Variants in SMO observed in about 807,000 individuals in gnomAD.
SMO encodes the protein protein smoothened.
A neutral mutation model predicts 81.6 loss-of-function variants in SMO; 40 were observed. That is an observed-to-expected ratio of 0.49 (90% CI 0.38 to 0.64). The LOEUF (loss-of-function observed/expected upper bound fraction) is 0.64, where lower values mean the gene tolerates loss of function less well. Among genes scored for constraint, SMO ranks in the 30% least tolerant of loss-of-function variants. The pLI, the probability that SMO is intolerant of heterozygous loss-of-function variation, is 0.00. For synonymous variants in SMO, 434 were observed against 432.1 expected (o/e 1.00, Z -0.05); for missense variants, 916 against 1,061.1 (o/e 0.86, Z 1.90).
intron 1 of SMO, among the ~76,000 whole-genome samples, chr7:129,199,669 G>A (rs1218010554): frequency 6.6e-6 from 1 of 152,038 alleles, no homozygotes; most frequent in Non-Finnish European, 1.5e-5. Context: ...CTGGGGAGCT[G>A]AAGGCTGCAG....
chr7:129,194,484 G>A (rs1793538016), intron 1 of SMO, among the ~76,000 whole-genome samples: 1 of 152,144 alleles, frequency 6.6e-6, no homozygotes, highest in Non-Finnish European at 1.5e-5. Flanking sequence ...TGACATCTGG[G>A]TCAATAACTA....
chr7:129,206,640 T>TGCTGCCAGTACTGGGA lies in SMO; in HGVS notation c.1264+62_1264+77dup. ...TGGGCAACAAAATATACTGGGCACT[T>TGCTGCCAGTACTGGGA]GCTGCCAGTACTGGGAGCTGCCAGC... On this transcript the variant is annotated intron_variant, in intron 6 of 11. Transcript: ENST00000249373. The surrounding 1 kb of genome is among the most constrained non-coding windows in gnomAD (Gnocchi z 4.4). 6.3e-7 allele frequency: 1 copy of TGCTGCCAGTACTGGGA among 1,593,150 alleles called. No homozygotes were observed. The highest frequency in any genetic ancestry group is 8.6e-7 in the Non-Finnish European group (1 of 1,166,376).
chr7:129,210,879 G>A lies in SMO; in HGVS notation c.1653-86G>A. ...AGGCCCTTGGGAGCCTCCTTCTCTG[G>A]AAAGAATGGCATCGCTGGCCCTTCC... is the stretch of plus-strand genomic sequence containing the variant. On this transcript the variant is annotated intron_variant, in intron 9 of 11. Coordinates refer to ENST00000249373, the MANE Select transcript of SMO (RefSeq NM_005631.5). The surrounding 1 kb of genome is among the most constrained non-coding windows in gnomAD (Gnocchi z 4.7). 1 of 1,461,744 alleles carries A rather than the reference G, an allele frequency of 6.8e-7. No homozygotes were observed. The highest frequency in any genetic ancestry group is 9.3e-7 in the Non-Finnish European group (1 of 1,081,070). 90.5% of individuals were successfully genotyped at this position (1,461,744 alleles called of 1,614,324 possible). A position where few individuals can be genotyped will look rare whatever the true frequency, so the allele number is the denominator to read the frequency against.
At chr7:129,193,804 A>ATATATATG (rs1793523694) in intron 1 of SMO, among the ~76,000 whole-genome samples, 1 of 111,144 alleles carries the variant, frequency 9.0e-6, no homozygotes, top group African/African-American at 3.5e-5. Flanking sequence ...ATATATATAT[A>ATATATATG]TATATATATA....
chr7:129,189,343 C>T lies in SMO; in HGVS notation c.192C>T (p.Cys64=), dbSNP rs2150638188. The change falls in exon 1 of 12, where the codon TGC becomes TGT. Residue 64 remains cysteine, a synonymous_variant. Coordinates refer to ENST00000249373, the MANE Select transcript of SMO (RefSeq NM_005631.5). This position sits in a 1 kb window ranked among gnomAD's most constrained non-coding sequence, Gnocchi z 4.7. ...GCCCTCCGCCGCCGCTGAGCCACTG[C>T]GGCCGGGCTGCCCCCTGCGAGCCGC... ...VTGPPPPLSH[C]GRAAPCEPLR... 2 of 1,517,736 alleles carry T rather than the reference C, an allele frequency of 1.3e-6. No homozygotes were observed. Among genetic ancestry groups the T allele is most frequent in the Non-Finnish European group, 1.8e-6 (2 of 1,139,432 alleles). The allele number at this position is 1,517,736 out of a possible 1,614,324, so 94.0% of individuals were successfully genotyped here.
intron 4 of SMO, 133 bp downstream of exon 4, chr7:129,205,915 T>C: frequency 1.3e-6 from 1 of 781,156 alleles, no homozygotes; most frequent in South Asian, 1.7e-5. Flanking sequence ...GCATACTGCA[T>C]GCAAGATCTC....
chr7:129,210,842 T>C lies in SMO; in HGVS notation c.1653-123T>C. Reference sequence around the variant, plus strand: ...AGAGAAGGCCTCTACTCCTGAGTCCTTGAAGGACTTGAGGCCCTTGGGAGC... The same window carrying C: ...AGAGAAGGCCTCTACTCCTGAGTCCCTGAAGGACTTGAGGCCCTTGGGAGC... On this transcript the variant is annotated intron_variant, in intron 9 of 11. Coordinates refer to ENST00000249373, the MANE Select transcript of SMO (RefSeq NM_005631.5). This position sits in a 1 kb window ranked among gnomAD's most constrained non-coding sequence, Gnocchi z 4.7. The C allele has an allele frequency of 9.2e-7, 1 of 1,083,548 alleles. No homozygotes were observed. Among genetic ancestry groups the C allele is most frequent in the Non-Finnish European group, 1.3e-6 (1 of 754,160 alleles). 67.1% of individuals were successfully genotyped at this position (1,083,548 alleles called of 1,614,324 possible). A position where few individuals can be genotyped will look rare whatever the true frequency, so the allele number is the denominator to read the frequency against.
chr7:129,210,632 C>A lies in SMO; in HGVS notation c.1652+84C>A. 2 of 1,123,704 alleles carry A rather than the reference C, an allele frequency of 1.8e-6. No homozygotes were observed. Among genetic ancestry groups the A allele is most frequent in the Non-Finnish European group, 2.6e-6 (2 of 760,050 alleles). 69.6% of individuals were successfully genotyped at this position (1,123,704 alleles called of 1,614,324 possible). Reference sequence around the variant, plus strand: ...CATCTTTAGGTTTTGTCGGGTCCTGCCTCTAGCACAGCCTTGGTCAGTGGT... The same window carrying A: ...CATCTTTAGGTTTTGTCGGGTCCTGACTCTAGCACAGCCTTGGTCAGTGGT... On this transcript the variant is annotated intron_variant, in intron 9 of 11. Transcript: ENST00000249373. This position sits in a 1 kb window ranked among gnomAD's most constrained non-coding sequence, Gnocchi z 4.7.
intron 2 of SMO, 103 bp from the exon 3 acceptor site, chr7:129,205,100 T>C: frequency 2.1e-6 from 2 of 961,346 alleles, no homozygotes; most frequent in Non-Finnish European, 3.3e-6. Flanking sequence ...GTCCTGGAAG[T>C]GTATCTCCAG....
chr7:129,204,114 C>T (rs1387081005), intron 2 of SMO, among the ~76,000 whole-genome samples: 1 of 151,874 alleles, frequency 6.6e-6, no homozygotes, highest in Non-Finnish European at 1.5e-5. Context: ...GGGCAGATCA[C>T]CTGAAGTCAG....
chr7:129,206,402 T>A lies in SMO; in HGVS notation c.1140+33T>A. The A allele has an allele frequency of 2.5e-6, 4 of 1,614,022 alleles. No homozygotes were observed. Among genetic ancestry groups the A allele is most frequent in the Non-Finnish European group, 3.4e-6 (4 of 1,179,912 alleles). ...GACTGGTAGGAACGGGAGACCTGGA[T>A]GGGGTGAGTTTGAGGGAGGGGGCCA... On this transcript the variant is annotated intron_variant, in intron 5 of 11. Transcript: ENST00000249373. This position sits in a 1 kb window ranked among gnomAD's most constrained non-coding sequence, Gnocchi z 4.4.
chr7:129,198,069 T>C (rs1027924538), intron 1 of SMO, among the ~76,000 whole-genome samples: 9 of 152,188 alleles, frequency 5.9e-5, no homozygotes, highest in Middle Eastern at 3.2e-3. Flanking sequence ...TCCTAGTAAT[T>C]TGTGTATTTC....
Position 129,212,796 on chromosome 7 carries a change from A to T in SMO, c.*345A>T, listed in dbSNP as rs1793900883. ...GGTGGAGGCAGAGGTGACAGTTCCC[A>T]GAGTGGGCTTTGGTGGCCAGGGAGG... On this transcript the variant is annotated 3_prime_UTR_variant, in exon 12 of 12. Coordinates refer to ENST00000249373, the MANE Select transcript of SMO (RefSeq NM_005631.5). The surrounding 1 kb of genome is among the most constrained non-coding windows in gnomAD (Gnocchi z 5.0). 1 of 358,926 alleles carries T rather than the reference A, an allele frequency of 2.8e-6. No individual in the cohort carries two copies. 22.2% of individuals were successfully genotyped at this position (358,926 alleles called of 1,614,324 possible). A position where few individuals can be genotyped will look rare whatever the true frequency, so the allele number is the denominator to read the frequency against.
Position 129,189,226 on chromosome 7 carries a change from C to A in SMO, c.75C>A (p.Asp25Glu). The change falls in exon 1 of 12, where the codon GAC becomes GAA. Residue 25 changes from aspartate (D) to glutamate (E), a missense_variant. Physicochemically the swap from Asp to Glu is conservative, Grantham distance 45. Around this residue, in one of 4 missense-constraint regions of SMO, gnomAD observed 146 missense variants for 149.9 expected, o/e 0.97. Transcript: ENST00000249373. The surrounding 1 kb of genome is among the most constrained non-coding windows in gnomAD (Gnocchi z 4.7). ...TGCTGCTGCTGCTGCTGCTGGGGGA[C>A]CCGGGCCGGGGGGCGGCCTCGAGCG... ...LGLLLLLLLG[D>E]PGRGAASSGN... is the part of the protein sequence containing the mutation. 1 of 1,171,872 alleles carries A rather than the reference C, an allele frequency of 8.5e-7. No individual in the cohort carries two copies. The highest frequency in any genetic ancestry group is 1.1e-6 in the Non-Finnish European group (1 of 935,156). The allele number at this position is 1,171,872 out of a possible 1,614,324, so 72.6% of individuals were successfully genotyped here.
In SMO at chr7:129,189,076, G is replaced by T; in HGVS notation, c.-76G>T. The T allele has an allele frequency of 1.7e-6, 2 of 1,189,250 alleles. No individual in the cohort carries two copies. The highest frequency in any genetic ancestry group is 2.1e-6 in the Non-Finnish European group (2 of 955,812). 73.7% of individuals were successfully genotyped at this position (1,189,250 alleles called of 1,614,324 possible). A position where few individuals can be genotyped will look rare whatever the true frequency, so the allele number is the denominator to read the frequency against. ...CCTGAGCCGCCTCCGCGGCCGCCGA[G>T]GTCGTGCGTGTGGCCGGGGGGCTCC... is the stretch of plus-strand genomic sequence containing the variant. On this transcript the variant is annotated 5_prime_UTR_variant, in exon 1 of 12. It adds an upstream start codon to the 5' untranslated region. Coordinates refer to ENST00000249373, the MANE Select transcript of SMO (RefSeq NM_005631.5). The surrounding 1 kb of genome is among the most constrained non-coding windows in gnomAD (Gnocchi z 4.7).
Position 129,212,070 on chromosome 7 carries a change from C to T in SMO, c.1983C>T (p.Ile661=), listed in dbSNP as rs1180366526. The part of the protein sequence containing the change: ...QANLWLVEAE[I]SPELQKRLGR... ...ACCTGTGGCTGGTTGAGGCAGAGATCTCCCCAGAGCTGCAGAAGCGCCTGG... is the reference window on the plus strand; with the variant it reads ...ACCTGTGGCTGGTTGAGGCAGAGATTTCCCCAGAGCTGCAGAAGCGCCTGG... Residue 661 remains isoleucine, a synonymous_variant, in exon 12 of 12, where the codon ATC becomes ATT. Coordinates refer to ENST00000249373, the MANE Select transcript of SMO (RefSeq NM_005631.5). This position sits in a 1 kb window ranked among gnomAD's most constrained non-coding sequence, Gnocchi z 5.0. 5 of 1,588,090 alleles carry T rather than the reference C, an allele frequency of 3.1e-6. No homozygotes were observed. The East Asian group carries it at 9.1e-5, about 29-fold the overall frequency.
intron 1 of SMO, among the ~76,000 whole-genome samples, chr7:129,199,673 G>A (rs1027283504): frequency 6.6e-6 from 1 of 152,014 alleles, no homozygotes; most frequent in Non-Finnish European, 1.5e-5. Context: ...GGAGCTGAAG[G>A]CTGCAGTGAG....
chr7:129,193,037 A>G (rs1399949037), intron 1 of SMO, among the ~76,000 whole-genome samples: 1 of 152,166 alleles, frequency 6.6e-6, no homozygotes, highest in Non-Finnish European at 1.5e-5. Context: ...AGGCTTCTTC[A>G]GTCACTTAGC....
In SMO at chr7:129,210,661, C is replaced by A; in HGVS notation, c.1652+113C>A. 1 of 898,622 alleles carries A rather than the reference C, an allele frequency of 1.1e-6. No individual in the cohort carries two copies. The highest frequency in any genetic ancestry group is 1.7e-6 in the Non-Finnish European group (1 of 585,734). 55.7% of individuals were successfully genotyped at this position (898,622 alleles called of 1,614,324 possible). On this transcript the variant is annotated intron_variant, in intron 9 of 11. Coordinates refer to ENST00000249373, the MANE Select transcript of SMO (RefSeq NM_005631.5). The surrounding 1 kb of genome is among the most constrained non-coding windows in gnomAD (Gnocchi z 4.7). Reference sequence around the variant, plus strand: ...TAGCACAGCCTTGGTCAGTGGTTCACCGCTGCCCCCTGGTGGCACCTTCTG... The same window carrying A: ...TAGCACAGCCTTGGTCAGTGGTTCAACGCTGCCCCCTGGTGGCACCTTCTG...
Sources: allele counts gnomAD v4.1 joint callset (sites outside exome capture counted in the v4.1 genomes callset), GRCh38; gene constraint gnomAD v4.1.1; regional missense constraint gnomAD v4.1.1; non-coding constraint Gnocchi (gnomAD v3.1); transcripts MANE v1.5; gene names NCBI Gene and HGNC (gene_info 2026-07-23, HGNC 2026-07-21).